C13orf42: variants seen among roughly 807,000 people sequenced by gnomAD.
C13orf42 encodes uncharacterized protein C13orf42.
At chr13:51,087,619 G>T (rs1455452469) in intron 2 of C13orf42, among the ~76,000 whole-genome samples, 1 of 152,042 alleles carries the variant, frequency 6.6e-6, no homozygotes, top group African/African-American at 2.4e-5. Context: ...GGAGTCTTAG[G>T]AAAGTCCCAC....
At chr13:51,166,950 G>T (rs551385808) in intron 1 of C13orf42, among the ~76,000 whole-genome samples, 1 of 151,846 alleles carries the variant, frequency 6.6e-6, no homozygotes, top group African/African-American at 2.4e-5. Context: ...GTGGTGGTGC[G>T]CACCTATAGT....
intron 1 of C13orf42, among the ~76,000 whole-genome samples, chr13:51,154,902 G>A (rs1953813417): frequency 6.6e-6 from 1 of 152,224 alleles, no homozygotes; most frequent in Non-Finnish European, 1.5e-5. Context: ...AAAGCAGGCT[G>A]TGCATGAGTC....
At chr13:51,154,285 C>T (rs1023880115) in intron 1 of C13orf42, among the ~76,000 whole-genome samples, 2 of 152,184 alleles carry the variant, frequency 1.3e-5, no homozygotes, top group African/African-American at 4.8e-5. Flanking sequence ...AGTAATGCTG[C>T]CATGAACACG....
rs535918496 is a variant in C13orf42, at chr13:51,083,936, G to A, written c.*215C>T. ...TGTAAGTCCCTGGTCATCAGCCCACGCAGAGAAACTCAAGCTCTGAGAGTG... is the reference window on the plus strand; with the variant it reads ...TGTAAGTCCCTGGTCATCAGCCCACACAGAGAAACTCAAGCTCTGAGAGTG... On this transcript the variant is annotated 3_prime_UTR_variant, in exon 4 of 4. Transcript: ENST00000563710. The A allele has an allele frequency of 2.2e-5, 8 of 366,168 alleles. No individual in the cohort carries two copies. The South Asian group carries it at 4.5e-4, about 21-fold the overall frequency. The allele number at this position is 366,168 out of a possible 1,614,324, so 22.7% of individuals were successfully genotyped here.
intron 1 of C13orf42, among the ~76,000 whole-genome samples, chr13:51,169,524 A>G (rs1292685455): frequency 1.3e-5 from 2 of 152,248 alleles, no homozygotes; most frequent in East Asian, 1.9e-4. Context: ...AAAATGCCTC[A>G]AAGGCATTTC....
At chr13:51,163,668 G>A (rs150778505) in intron 1 of C13orf42, among the ~76,000 whole-genome samples, 6 of 152,210 alleles carry the variant, frequency 3.9e-5, no homozygotes, top group Non-Finnish European at 7.4e-5. Flanking sequence ...CCAGGGGTTC[G>A]GATGTCCTTC....
intron 1 of C13orf42, among the ~76,000 whole-genome samples, chr13:51,122,047 C>A (rs1953539887): frequency 6.6e-6 from 1 of 151,960 alleles, no homozygotes; most frequent in South Asian, 2.1e-4. Flanking sequence ...ATTAAGTACA[C>A]AAATGTGTTG....
At chr13:51,108,341 T>A (rs1311966798) in intron 1 of C13orf42, among the ~76,000 whole-genome samples, 1 of 152,166 alleles carries the variant, frequency 6.6e-6, no homozygotes, top group Non-Finnish European at 1.5e-5. Flanking sequence ...GAATGGTGTT[T>A]TCCCTAAACC....
rs1432105751 is a variant in C13orf42, at chr13:51,083,213, G to A, written c.*938C>T. ...ACCAGTGGTTCTCAAGCTTGAATGG[G>A]TACAACTATTGCAAAAATGTAAAAA... is the stretch of plus-strand genomic sequence containing the variant. On this transcript the variant is annotated 3_prime_UTR_variant, in exon 4 of 4. Coordinates refer to ENST00000563710, the MANE Select transcript of C13orf42 (RefSeq NM_001351589.3). 1.3e-5 allele frequency: 2 copies of A among 152,130 alleles called. No homozygotes were observed. Among genetic ancestry groups the A allele is most frequent in the African/African-American group, 2.4e-5 (1 of 41,422 alleles). 9.4% of individuals were successfully genotyped at this position (152,130 alleles called of 1,614,324 possible). A position where few individuals can be genotyped will look rare whatever the true frequency, so the allele number is the denominator to read the frequency against.
chr13:51,160,260 C>T (rs1463199165), intron 1 of C13orf42, among the ~76,000 whole-genome samples: 1 of 152,246 alleles, frequency 6.6e-6, no homozygotes, highest in Non-Finnish European at 1.5e-5. Context: ...CGCCTGGAAT[C>T]CCAGCATTTT....
At chr13:51,114,657 G>T (rs1953471060), upstream of C13orf42, among the ~76,000 whole-genome samples, 2 of 82,618 alleles carry the variant, frequency 2.4e-5, no homozygotes, top group African/African-American at 1.0e-4. Flanking sequence ...GAGATAGACA[G>T]ACAGACAGAC....
intron 1 of C13orf42, among the ~76,000 whole-genome samples, chr13:51,144,388 T>A (rs761962705): frequency 8.3e-6 from 1 of 119,930 alleles, no homozygotes; most frequent in Admixed American, 7.5e-5. Flanking sequence ...AGTGTACTCT[T>A]ATGAACAAAA....
intron 1 of C13orf42, among the ~76,000 whole-genome samples, chr13:51,116,689 T>C (rs563114074): frequency 1.3e-5 from 2 of 152,386 alleles, no homozygotes; most frequent in South Asian, 4.1e-4. Context: ...TGTTTATCTA[T>C]TACTATGTAC....
At chr13:51,128,695 G>A (rs1335599373) in intron 1 of C13orf42, among the ~76,000 whole-genome samples, 1 of 152,196 alleles carries the variant, frequency 6.6e-6, no homozygotes, top group Admixed American at 6.5e-5. Context: ...GATGTTAACT[G>A]CTATTCTCTT....
chr13:51,102,257 G>C (rs1451867067), intron 1 of C13orf42, among the ~76,000 whole-genome samples: 1 of 152,142 alleles, frequency 6.6e-6, no homozygotes, highest in Non-Finnish European at 1.5e-5. Flanking sequence ...CAACAGATCT[G>C]AAAAATAATT....
Position 51,083,353 on chromosome 13 carries a change from C to T in C13orf42, c.*798G>A, listed in dbSNP as rs75320421. ...GTAATGATTCTGATTGTTCTCTTAA[C>T]TGGGGAAAGGGAAAGGTGTGGCCTG... On this transcript the variant is annotated 3_prime_UTR_variant, in exon 4 of 4. Coordinates refer to ENST00000563710, the MANE Select transcript of C13orf42 (RefSeq NM_001351589.3). The T allele has an allele frequency of 2.2e-3, 329 of 152,284 alleles. No individual in the cohort carries two copies. The highest frequency in any genetic ancestry group is 7.4e-3 in the African/African-American group (308 of 41,568). The allele number at this position is 152,284 out of a possible 1,614,324, so 9.4% of individuals were successfully genotyped here.
chr13:51,144,149 T>C (rs1308561715), intron 1 of C13orf42, among the ~76,000 whole-genome samples: 1 of 152,142 alleles, frequency 6.6e-6, no homozygotes, highest in Non-Finnish European at 1.5e-5. Context: ...ACAGGAGCTC[T>C]TGAATACAGG....
At chr13:51,093,297 C>A (rs1445752607) in intron 1 of C13orf42, among the ~76,000 whole-genome samples, 1 of 152,172 alleles carries the variant, frequency 6.6e-6, no homozygotes, top group Admixed American at 6.5e-5. Flanking sequence ...GTTCACATTT[C>A]TCTCTTCCTC....
intron 1 of C13orf42, among the ~76,000 whole-genome samples, chr13:51,140,263 C>G (rs1953686402): frequency 1.3e-5 from 2 of 152,186 alleles, no homozygotes; most frequent in Admixed American, 1.3e-4. Context: ...CAGACCAAAC[C>G]AATGTACTTC....
Sources: gnomAD v4.1 joint callset for allele counts (sites outside exome capture counted in the v4.1 genomes callset) on GRCh38, gnomAD v4.1.1 for gene constraint, MANE v1.5 for transcripts, NCBI Gene and HGNC (gene_info 2026-07-23, HGNC 2026-07-21) for gene names.